LTBP3: variants seen among roughly 807,000 people sequenced by gnomAD.
LTBP3 encodes latent transforming growth factor beta binding protein 3.
LTBP3 carries 97 observed loss-of-function variants against 159.7 expected under a neutral mutation model. That is an observed-to-expected ratio of 0.61 (90% CI 0.52 to 0.72). LTBP3 has a LOEUF of 0.72. LTBP3 is among the 30% of genes least tolerant of loss of function. The probability of loss-of-function intolerance (pLI) is 0.00; values close to 1 mark genes in which losing one functional copy is unlikely to be tolerated. For synonymous variants in LTBP3, 824 were observed against 777.1 expected, an observed-to-expected ratio of 1.06 and a Z score of -1.00; for missense variants, 1,584 against 1,864.3, an observed-to-expected ratio of 0.85 and a Z score of 2.77.
rs1375236369 is a variant in LTBP3 at position 65,554,863 on chromosome 11, C to T, written c.332-483G>A. Among the ~76,000 whole-genome samples, 1 of 152,026 alleles carries T rather than the reference C, an allele frequency of 6.6e-6. No individual in the cohort carries two copies. Among genetic ancestry groups the T allele is most frequent in the South Asian group, 2.1e-4 (1 of 4,826 alleles). ...CTCCTTCAGGCCTCAGTCCTCTCTG[C>T]CTGCTCTCCACCCTCTCCCTCTTCA... On this transcript the variant is annotated intron_variant, in intron 1 of 27. Coordinates refer to ENST00000301873, the MANE Select transcript of LTBP3 (RefSeq NM_001130144.3). This position sits in a 1 kb window ranked among gnomAD's most constrained non-coding sequence, Gnocchi z 5.3.
chr11:65,540,559 C>T lies in LTBP3; in HGVS notation c.3033G>A (p.Val1011=). 6.2e-7 allele frequency: 1 copy of T among 1,613,906 alleles called. No homozygotes were observed. Among genetic ancestry groups the T allele is most frequent in the Non-Finnish European group, 8.5e-7 (1 of 1,179,916 alleles). ...AGCACTCGTAGCCAGGCTGCGTGTT[C>T]ACGCACTTGCCCTCCTTGCAAATCT... is the stretch of plus-strand genomic sequence containing the variant. The part of the protein sequence containing the change: ...GSEICKEGKC[V]NTQPGYECYC... The change falls in exon 22 of 28, where the codon GTG becomes GTA. Residue 1011 remains valine, a synonymous_variant. Coordinates refer to ENST00000301873, the MANE Select transcript of LTBP3 (RefSeq NM_001130144.3).
At position 65,539,023 on chromosome 11, in the gene LTBP3, C is replaced by A; in HGVS notation, c.*57G>T. On this transcript the variant is annotated 3_prime_UTR_variant, in exon 28 of 28. Transcript: ENST00000301873. The stretch of plus-strand genomic sequence containing the variant: ...AAGTCGGGGCAGAAGTGAGGCCGAG[C>A]TCGCGGAAATCCCTCAGTGATCACC... 1 of 1,326,126 alleles carries A rather than the reference C, an allele frequency of 7.5e-7. No individual in the cohort carries two copies. The highest frequency in any genetic ancestry group is 1.8e-5 in the South Asian group (1 of 55,076). The allele number at this position is 1,326,126 out of a possible 1,614,324, so 82.1% of individuals were successfully genotyped here. A position where few individuals can be genotyped will look rare whatever the true frequency, so the allele number is the denominator to read the frequency against.
At position 65,546,762 on chromosome 11, in the gene LTBP3, C is replaced by T. The variant is rs1288382798; in HGVS notation, c.2230+36G>A. 2 of 1,571,586 alleles carry T rather than the reference C, an allele frequency of 1.3e-6. No individual in the cohort carries two copies. The highest frequency in any genetic ancestry group is 1.7e-6 in the Non-Finnish European group (2 of 1,159,812). ...GAGCCAGACTGGGGGAGGCACCTGACGGCCCCACCCACTCGGCTCCGGGCC... is the reference window on the plus strand; with the variant it reads ...GAGCCAGACTGGGGGAGGCACCTGATGGCCCCACCCACTCGGCTCCGGGCC... On this transcript the variant is annotated intron_variant, in intron 15 of 27. Transcript: ENST00000301873. The surrounding 1 kb of genome is among the most constrained non-coding windows in gnomAD (Gnocchi z 4.0).
chr11:65,539,466 G>T lies in LTBP3; in HGVS notation c.3629-7C>A. The T allele has an allele frequency of 6.4e-7, 1 of 1,573,058 alleles. No individual in the cohort carries two copies. The highest frequency in any genetic ancestry group is 8.6e-7 in the Non-Finnish European group (1 of 1,159,200). Reference sequence around the variant, plus strand: ...TCCTCTGAACTGTCCTCATCTGCGTGGCCCGGAACAATATGGACTTCAACA... The same window carrying T: ...TCCTCTGAACTGTCCTCATCTGCGTTGCCCGGAACAATATGGACTTCAACA... On this transcript the variant is annotated splice_region_variant and splice_polypyrimidine_tract_variant and intron_variant, in intron 26 of 27. Transcript: ENST00000301873.
In LTBP3 at chr11:65,538,698, T is replaced by C; in HGVS notation, c.*382A>G. On this transcript the variant is annotated 3_prime_UTR_variant, in exon 28 of 28. Coordinates refer to ENST00000301873, the MANE Select transcript of LTBP3 (RefSeq NM_001130144.3). ...ATAATCAGAGCCACAATAAATTCTATTTCACACCCCTTGTGCCGGGCTCAG... is the reference window on the plus strand; with the variant it reads ...ATAATCAGAGCCACAATAAATTCTACTTCACACCCCTTGTGCCGGGCTCAG... 8.3e-7 allele frequency: 1 copy of C among 1,209,618 alleles called. No homozygotes were observed. Among genetic ancestry groups the C allele is most frequent in the South Asian group, 1.6e-5 (1 of 63,966 alleles). The allele number at this position is 1,209,618 out of a possible 1,614,324, so 74.9% of individuals were successfully genotyped here.
At chr11:65,541,578 G>A (rs1303944558) in intron 19 of LTBP3, 22 bp downstream of exon 19, 1 of 1,614,062 alleles carries the variant, frequency 6.2e-7, no homozygotes, top group Non-Finnish European at 8.5e-7. Context: ...CAGTCCGAGG[G>A]AGGAGCTGGG....
intron 11 of LTBP3, 134 bp from the exon 12 acceptor site, chr11:65,548,179 C>T: frequency 7.6e-7 from 1 of 1,324,024 alleles, no homozygotes; most frequent in Non-Finnish European, 1.1e-6. Context: ...TCCAGGATGT[C>T]CTATTTCTCT....
chr11:65,540,201 G>T, intron 23 of LTBP3, 44 bp downstream of exon 23: 1 of 1,542,922 alleles, frequency 6.5e-7, no homozygotes. Context: ...CTCGGCCCGG[G>T]CCCCGCCCCT....
intron 1 of LTBP3, among the ~76,000 whole-genome samples, chr11:65,555,606 G>C (rs1443223271): frequency 6.6e-6 from 1 of 152,226 alleles, no homozygotes; most frequent in Non-Finnish European, 1.5e-5. Context: ...CTGGAAGGCA[G>C]GGCCAGGCTG....
chr11:65,556,906 T>C (rs1856831413), intron 1 of LTBP3, among the ~76,000 whole-genome samples: 2 of 151,910 alleles, frequency 1.3e-5, no homozygotes, highest in African/African-American at 4.8e-5. Context: ...GCCTGGCCCT[T>C]TAAAGAGAGA....
At position 65,538,994 on chromosome 11, in the gene LTBP3, C is replaced by G; in HGVS notation, c.*86G>C. ...GGCCCTGAAGGTCCCTGGGTCCGAG[C>G]CACAAGTCGGGGCAGAAGTGAGGCC... On this transcript the variant is annotated 3_prime_UTR_variant, in exon 28 of 28. Transcript: ENST00000301873. 3.0e-6 allele frequency: 4 copies of G among 1,316,728 alleles called. No individual in the cohort carries two copies. Among genetic ancestry groups the G allele is most frequent in the Non-Finnish European group, 3.9e-6 (4 of 1,034,046 alleles). 81.6% of individuals were successfully genotyped at this position (1,316,728 alleles called of 1,614,324 possible).
chr11:65,540,327 C>T lies in LTBP3; in HGVS notation c.3162G>A (p.Thr1054=). ...TGCAGGCACAGCGGTAGCCGCCGCG[C>T]GTGTTCTCACACACTCCGTTCCGGC... ...SNCRNGVCEN[T]RGGYRCACTP... Residue 1054 remains threonine, a synonymous_variant, in exon 23 of 28, where the codon ACG becomes ACA. Coordinates refer to ENST00000301873, the MANE Select transcript of LTBP3 (RefSeq NM_001130144.3). 2 of 1,578,316 alleles carry T rather than the reference C, an allele frequency of 1.3e-6. No homozygotes were observed. The highest frequency in any genetic ancestry group is 1.2e-5 in the South Asian group (1 of 86,550).
intron 1 of LTBP3, among the ~76,000 whole-genome samples, chr11:65,555,072 G>A (rs1037590249): frequency 2.0e-5 from 3 of 151,948 alleles, no homozygotes; most frequent in African/African-American, 7.3e-5. Context: ...GAGCCCCGAC[G>A]GCTCCGTCCC....
At position 65,547,730 on chromosome 11, in the gene LTBP3, G is replaced by C; in HGVS notation, c.1938C>G (p.Gly646=). 6.2e-7 allele frequency: 1 copy of C among 1,606,532 alleles called. No individual in the cohort carries two copies. The highest frequency in any genetic ancestry group is 1.1e-5 in the South Asian group (1 of 90,760). Reference sequence around the variant, plus strand: ...CCCCGGCGCCCACGTGCAGGCGGTAGCCGCGGTTGCAGTGGCAATTGTAGG... The same window carrying C: ...CCCCGGCGCCCACGTGCAGGCGGTACCCGCGGTTGCAGTGGCAATTGTAGG... The part of the protein sequence containing the change: ...GGSYNCHCNR[G]YRLHVGAGGR... The change falls in exon 13 of 28, where the codon GGC becomes GGG. Residue 646 remains glycine, a synonymous_variant. Transcript: ENST00000301873. This position sits in a 1 kb window ranked among gnomAD's most constrained non-coding sequence, Gnocchi z 4.6.
chr11:65,541,480 CAA>C (rs1856135363), intron 19 of LTBP3, 118 bp downstream of exon 19: 3 of 1,546,918 alleles, frequency 1.9e-6, no homozygotes, highest in South Asian at 1.1e-5. Flanking sequence ...CTCCCCCAGC[CAA>C]AAGAGATTTC....
At position 65,538,600 on chromosome 11, in the gene LTBP3, C is replaced by T. The variant is rs1233998874; in HGVS notation, c.*480G>A. The T allele has an allele frequency of 6.3e-7, 1 of 1,597,888 alleles. No individual in the cohort carries two copies. Among genetic ancestry groups the T allele is most frequent in the Admixed American group, 1.7e-5 (1 of 59,222 alleles). ...GGTGGCCCTTCCCGGCTGCGGAGAG[C>T]CCGCCCCACAGATGTATTTATTGTA... On this transcript the variant is annotated 3_prime_UTR_variant, in exon 28 of 28. Coordinates refer to ENST00000301873, the MANE Select transcript of LTBP3 (RefSeq NM_001130144.3).
chr11:65,550,694 C>T (rs1856572395), intron 11 of LTBP3, among the ~76,000 whole-genome samples: 2 of 149,674 alleles, frequency 1.3e-5, no homozygotes, highest in Admixed American at 6.7e-5. Flanking sequence ...CGTGGTGGCG[C>T]ATGCCTGTAA....
At chr11:65,543,058 C>A in intron 18 of LTBP3, 47 bp downstream of exon 18, 3 of 1,610,986 alleles carry the variant, frequency 1.9e-6, no homozygotes, top group Non-Finnish European at 2.5e-6. Flanking sequence ...TAGGGAATTA[C>A]TGCTCCCTGC....
At position 65,541,222 on chromosome 11, in the gene LTBP3, A is replaced by G. The variant is rs779378567; in HGVS notation, c.2797T>C (p.Leu933=). 9 of 1,613,700 alleles carry G rather than the reference A, an allele frequency of 5.6e-6. No individual in the cohort carries two copies. The highest frequency in any genetic ancestry group is 2.2e-5 in the East Asian group (1 of 44,890). ...FDDTVFCDSV[L]ATNVTQQECC... is the part of the protein sequence containing the mutation. ...TCCTGCTGGGTCACGTTGGTGGCCA[A>G]TACGCTGTCGCAGAACACTGTGTCA... Residue 933 remains leucine (L), a synonymous_variant, in exon 20 of 28, where the codon TTG becomes CTG. Transcript: ENST00000301873.
Sources: allele counts gnomAD v4.1 joint callset (sites outside exome capture counted in the v4.1 genomes callset), GRCh38; gene constraint gnomAD v4.1.1; non-coding constraint Gnocchi (gnomAD v3.1); transcripts MANE v1.5; gene names NCBI Gene and HGNC (gene_info 2026-07-23, HGNC 2026-07-21).